Variants in CFAP47 observed in about 807,000 individuals in gnomAD.
CFAP47 encodes cilia- and flagella-associated protein 47.
Under a neutral mutation model 148.1 loss-of-function variants are expected in CFAP47, and 29 were observed. The ratio of observed to expected loss-of-function variants is 0.20; its 90% CI spans 0.15 to 0.27. The LOEUF (loss-of-function observed/expected upper bound fraction) is 0.27, where lower values mean the gene tolerates loss of function less well. Among genes scored for constraint, CFAP47 ranks in the 10% least tolerant of loss-of-function variants. The probability of loss-of-function intolerance (pLI) is 1.00; values close to 1 mark genes in which losing one functional copy is unlikely to be tolerated. For missense variants in CFAP47, 1,872 were observed against 1,697.5 expected, an observed-to-expected ratio of 1.10 and a Z score of -1.81; for synonymous variants, 664 against 577.3, an observed-to-expected ratio of 1.15 and a Z score of -2.15.
chrX:36,332,895 A>G (rs782453127), intron 57 of CFAP47, among the ~76,000 whole-genome samples: 2 of 112,441 alleles, frequency 1.8e-5, no homozygotes, highest in East Asian at 5.6e-4. Flanking sequence ...TGGGAATGCC[A>G]AGCCCATATG....
intron 36 of CFAP47, among the ~76,000 whole-genome samples, chrX:36,148,764 G>C (rs1939268947): frequency 9.0e-6 from 1 of 111,663 alleles, no homozygotes; most frequent in African/African-American, 3.3e-5. Context: ...ATTCCCCAGT[G>C]GTTTTCCTTT....
rs146411485 is a variant in CFAP47 at position 36,260,602 on chromosome X, T to C, written c.7444+9158T>C. The stretch of plus-strand genomic sequence containing the variant: ...TGCTTTTTGTGTATTAAGTTACTTA[T>C]AGATTTTGGATATTAGACCTTTGTT... On this transcript the variant is annotated intron_variant, in intron 49 of 63. Coordinates refer to ENST00000378653, the MANE Select transcript of CFAP47 (RefSeq NM_001304548.2). 4.7e-3 allele frequency among the ~76,000 whole-genome samples: 526 copies of C among 112,356 alleles called. 3 individuals carry two copies. Among genetic ancestry groups the C allele is most frequent in the African/African-American group, 0.016 (489 of 30,905 alleles).
chrX:36,021,681 C>T lies in CFAP47; in HGVS notation c.3556+6769C>T, dbSNP rs188908963. On this transcript the variant is annotated intron_variant, in intron 22 of 63. Coordinates refer to ENST00000378653, the MANE Select transcript of CFAP47 (RefSeq NM_001304548.2). ...ATCCCTCCCCTTTCCCCCCACCCCC[C>T]GACAGGCCACGATGTGTGATGTTCC... Among the ~76,000 whole-genome samples, 387 of 100,590 alleles carry T rather than the reference C, an allele frequency of 3.8e-3. 2 individuals carry two copies. The highest frequency in any genetic ancestry group is 0.014 in the African/African-American group (370 of 27,255). 87.4% of individuals were successfully genotyped at this position (100,590 alleles called of 115,157 possible). A position where few individuals can be genotyped will look rare whatever the true frequency, so the allele number is the denominator to read the frequency against.
intron 26 of CFAP47, among the ~76,000 whole-genome samples, chrX:36,063,898 C>T (rs1340995434): frequency 8.9e-6 from 1 of 112,122 alleles, no homozygotes; most frequent in Admixed American, 9.5e-5. Flanking sequence ...AATGACATCA[C>T]AATTTTTGTT....
At chrX:36,230,482 T>C (rs1219988503) in intron 46 of CFAP47, among the ~76,000 whole-genome samples, 1 of 105,152 alleles carries the variant, frequency 9.5e-6, no homozygotes, top group Non-Finnish European at 1.9e-5. Context: ...GTAAATTTGT[T>C]TGAGTTCATT....
chrX:36,015,669 G>C (rs188524293), intron 22 of CFAP47, among the ~76,000 whole-genome samples: 51 of 111,444 alleles, frequency 4.6e-4, no homozygotes, highest in African/African-American at 1.6e-3. Flanking sequence ...GAATTCCACA[G>C]CTGATATGGA....
chrX:35,932,244 T>TTTTC (rs780392333), intron 2 of CFAP47, among the ~76,000 whole-genome samples: 48 of 106,294 alleles, frequency 4.5e-4, no homozygotes, highest in Admixed American at 9.4e-4. Flanking sequence ...TTTTCTTTTC[T>TTTTC]TTTCTTTCTT....
intron 39 of CFAP47, among the ~76,000 whole-genome samples, chrX:36,166,991 C>T (rs780937239): frequency 9.0e-6 from 1 of 111,537 alleles, no homozygotes; most frequent in Non-Finnish European, 1.9e-5. Context: ...GGATAAGTTA[C>T]TCTTCAAGCT....
chrX:36,229,767 C>A (rs1484306292), intron 46 of CFAP47, among the ~76,000 whole-genome samples: 2 of 82,163 alleles, frequency 2.4e-5, no homozygotes, highest in African/African-American at 4.4e-5. Context: ...CCCCTCCCCC[C>A]ACCCCACAAC....
At position 36,364,614 on chromosome X, in the gene CFAP47, T is replaced by C. The variant is rs983130615; in HGVS notation, c.9024-2352T>C. 3.7e-5 allele frequency among the ~76,000 whole-genome samples: 4 copies of C among 108,938 alleles called. No individual in the cohort carries two copies. The East Asian group carries it at 1.2e-3, about 31-fold the overall frequency. The allele number at this position is 108,938 out of a possible 115,157, so 94.6% of individuals were successfully genotyped here. A position where few individuals can be genotyped will look rare whatever the true frequency, so the allele number is the denominator to read the frequency against. ...CATTTGAGCCAGAGAAAATAATAAA[T>C]GCAGAAGTCGTAAGACAGGAAGTGT... On this transcript the variant is annotated intron_variant, in intron 61 of 63. Transcript: ENST00000378653.
intron 49 of CFAP47, among the ~76,000 whole-genome samples, chrX:36,261,320 CTTTTT>C (rs143068749): frequency 9.8e-5 from 2 of 20,449 alleles, no homozygotes; most frequent in Non-Finnish European, 1.7e-4. Flanking sequence ...AGATACTATT[CTTTTT>C]TTTTTTTTTT....
intron 23 of CFAP47, among the ~76,000 whole-genome samples, chrX:36,034,020 T>C (rs1169702594): frequency 9.0e-6 from 1 of 111,545 alleles, no homozygotes; most frequent in Non-Finnish European, 1.9e-5. Context: ...TACAACATTA[T>C]TGACTAAACA....
At chrX:36,169,487 A>G (rs778190725) in intron 39 of CFAP47, among the ~76,000 whole-genome samples, 29 of 111,115 alleles carry the variant, frequency 2.6e-4, no homozygotes, top group Middle Eastern at 4.7e-3. Context: ...AAGAAATAAT[A>G]TCAATTGACG....
At position 36,306,760 on chromosome X, in the gene CFAP47, C is replaced by T; in HGVS notation, c.8083-12C>T. On this transcript the variant is annotated splice_polypyrimidine_tract_variant and intron_variant, in intron 54 of 63. Coordinates refer to ENST00000378653, the MANE Select transcript of CFAP47 (RefSeq NM_001304548.2). ...AATTTTTGTTCCCCCTTTGCTTTTT[C>T]CATTTACACAGCTGATCATATCTCC... 9.0e-7 allele frequency: 1 copy of T among 1,116,043 alleles called. No individual in the cohort carries two copies. Among genetic ancestry groups the T allele is most frequent in the South Asian group, 2.0e-5 (1 of 49,425 alleles). 92.0% of individuals were successfully genotyped at this position (1,116,043 alleles called of 1,213,427 possible).
intron 8 of CFAP47, among the ~76,000 whole-genome samples, chrX:35,959,585 GAT>G (rs1466827065): frequency 9.0e-6 from 1 of 111,461 alleles, no homozygotes; most frequent in Admixed American, 9.5e-5. Flanking sequence ...GAGGCGGCTG[GAT>G]CATGAGGTCA....
At chrX:35,998,568 TTGA>T (rs908500549) in intron 19 of CFAP47, among the ~76,000 whole-genome samples, 8 of 111,794 alleles carry the variant, frequency 7.2e-5, no homozygotes, top group African/African-American at 2.6e-4. Context: ...TGAGCAGAAA[TTGA>T]TGATAAAGAG....
At chrX:36,360,065 G>A (rs1941816276) in intron 60 of CFAP47, among the ~76,000 whole-genome samples, 1 of 111,455 alleles carries the variant, frequency 9.0e-6, no homozygotes, top group Non-Finnish European at 1.9e-5. Context: ...TTCTTGGTTG[G>A]CCTTTTGTTT....
At chrX:36,087,227 C>A (rs1489223203) in intron 30 of CFAP47, among the ~76,000 whole-genome samples, 1 of 111,744 alleles carries the variant, frequency 8.9e-6, no homozygotes, top group Non-Finnish European at 1.9e-5. Context: ...AGATACATGG[C>A]TTTAGAAGGT....
chrX:36,349,295 ACT>A (rs1267626224), intron 58 of CFAP47, among the ~76,000 whole-genome samples: 2 of 110,836 alleles, frequency 1.8e-5, no homozygotes, highest in African/African-American at 6.6e-5. Flanking sequence ...ATGGAGTCAC[ACT>A]CTGTTGCCCA....
Sources: gnomAD v4.1 joint callset for allele counts (sites outside exome capture counted in the v4.1 genomes callset) on GRCh38, gnomAD v4.1.1 for gene constraint, MANE v1.5 for transcripts, NCBI Gene and HGNC (gene_info 2026-07-23, HGNC 2026-07-21) for gene names.